EDIL3: variants seen among roughly 807,000 people sequenced by gnomAD.
EDIL3 encodes EGF like and discoidin domains 3, also known as EGF-like repeat and discoidin I-like domain-containing protein 3.
EDIL3 carries 37 observed loss-of-function variants against 67.4 expected under a neutral mutation model. That is an observed-to-expected ratio of 0.55 (90% CI 0.42 to 0.72). The LOEUF (loss-of-function observed/expected upper bound fraction) is 0.72. EDIL3 is among the 30% of genes least tolerant of loss of function. EDIL3 has a pLI of 0.00. For synonymous variants in EDIL3, 195 were observed against 196.3 expected, an observed-to-expected ratio of 0.99 and a Z score of 0.05; for missense variants, 527 against 586.3, an observed-to-expected ratio of 0.90 and a Z score of 1.04.
chr5:84,108,609 A>T (rs1356426769), intron 5 of EDIL3, among the ~76,000 whole-genome samples: 1 of 152,144 alleles, frequency 6.6e-6, no homozygotes, highest in East Asian at 1.9e-4. Flanking sequence ...TTGGACCCTT[A>T]TTTTGCTTTC....
At chr5:84,033,851 T>C (rs1032082903) in intron 9 of EDIL3, among the ~76,000 whole-genome samples, 3 of 152,114 alleles carry the variant, frequency 2.0e-5, no homozygotes, top group Admixed American at 2.0e-4. Context: ...TATATTAAGT[T>C]AGTGATCTGG....
intron 1 of EDIL3, among the ~76,000 whole-genome samples, chr5:84,311,949 G>A (rs909967624): frequency 1.3e-5 from 2 of 152,078 alleles, no homozygotes; most frequent in South Asian, 2.1e-4. Context: ...AAAGTCTCCC[G>A]TGTCTACCTC....
intron 9 of EDIL3, among the ~76,000 whole-genome samples, chr5:83,999,352 A>G (rs1004920010): frequency 2.6e-5 from 4 of 152,182 alleles, no homozygotes; most frequent in Admixed American, 2.6e-4. Context: ...AAACTTTCAG[A>G]CAGAAAATTC....
At chr5:84,033,191 C>T (rs1428925) in intron 9 of EDIL3, among the ~76,000 whole-genome samples, 17,340 of 152,206 alleles carry the variant, frequency 0.11, 1,495 homozygotes, top group African/African-American at 0.24. Context: ...TATGCTTTCT[C>T]TACTACTTCC....
intron 2 of EDIL3, among the ~76,000 whole-genome samples, chr5:84,252,143 T>G (rs531235324): frequency 6.6e-6 from 1 of 152,300 alleles, no homozygotes; most frequent in African/African-American, 2.4e-5. Flanking sequence ...GATAAAATGT[T>G]GAATGTTGGA....
intron 9 of EDIL3, among the ~76,000 whole-genome samples, chr5:83,998,900 A>C (rs1296241884): frequency 2.6e-5 from 4 of 152,180 alleles, no homozygotes; most frequent in Admixed American, 1.3e-4. Flanking sequence ...GAGTGCTTGC[A>C]TAATCTTTTC....
chr5:84,001,975 A>C (rs1250890191), intron 9 of EDIL3, among the ~76,000 whole-genome samples: 1 of 152,010 alleles, frequency 6.6e-6, no homozygotes, highest in African/African-American at 2.4e-5. Context: ...TAAAGAAAGA[A>C]AAAGAAAGAA....
chr5:84,143,465 T>C (rs1480803272), intron 4 of EDIL3, among the ~76,000 whole-genome samples: 2 of 152,094 alleles, frequency 1.3e-5, no homozygotes, highest in African/African-American at 2.4e-5. Context: ...CTAATAAAGA[T>C]CATATTCTCT....
chr5:84,168,344 C>T (rs1027045399), intron 4 of EDIL3, among the ~76,000 whole-genome samples: 15 of 152,050 alleles, frequency 9.9e-5, no homozygotes, highest in African/African-American at 3.4e-4. Context: ...CTAAAGACAA[C>T]CAATTTTATG....
chr5:84,084,710 G>T (rs190620119), intron 6 of EDIL3, among the ~76,000 whole-genome samples: 190 of 152,222 alleles, frequency 1.2e-3, no homozygotes, highest in African/African-American at 4.5e-3. Flanking sequence ...ATAAAGACAG[G>T]AGAGATCTTT....
At chr5:84,383,604 G>A (rs968706090) in intron 1 of EDIL3, among the ~76,000 whole-genome samples, 1 of 152,170 alleles carries the variant, frequency 6.6e-6, no homozygotes, top group East Asian at 1.9e-4. Context: ...ATTACCAAGA[G>A]TTAACACTGG....
At chr5:84,311,417 A>G (rs1746387585) in intron 1 of EDIL3, among the ~76,000 whole-genome samples, 1 of 147,578 alleles carries the variant, frequency 6.8e-6, no homozygotes, top group African/African-American at 2.5e-5. Context: ...CATATTTTGG[A>G]GGTAAAATTA....
At chr5:84,205,504 G>C (rs1282623805) in intron 3 of EDIL3, among the ~76,000 whole-genome samples, 1 of 152,186 alleles carries the variant, frequency 6.6e-6, no homozygotes, top group Non-Finnish European at 1.5e-5. Context: ...GTGTCCACTT[G>C]AAAAACTTGA....
Position 84,184,836 on chromosome 5 carries a change from T to C in EDIL3, c.227-4315A>G, listed in dbSNP as rs1367084750. On this transcript the variant is annotated intron_variant, in intron 3 of 10. Transcript: ENST00000296591. Reference sequence around the variant, plus strand: ...TTGGTACATTGGAGCTCATTTTATTTACACGCCAAAAGACATCATGACCTT... The same window carrying C: ...TTGGTACATTGGAGCTCATTTTATTCACACGCCAAAAGACATCATGACCTT... Among the ~76,000 whole-genome samples, 3 of 152,178 alleles carry C rather than the reference T, an allele frequency of 2.0e-5. No homozygotes were observed. In the East Asian group the frequency reaches 5.8e-4, roughly 29 times the overall value.
rs773035274 is a variant in EDIL3 at position 84,262,659 on chromosome 5, G to GTTTTTTTTTTTTTTTTTTT, written c.68-8466_68-8448dup. Among the ~76,000 whole-genome samples the GTTTTTTTTTTTTTTTTTTT allele has an allele frequency of 3.7e-3, 170 of 46,318 alleles. 49 individuals are homozygous for GTTTTTTTTTTTTTTTTTTT. Among genetic ancestry groups the GTTTTTTTTTTTTTTTTTTT allele is most frequent in the African/African-American group, 5.7e-3 (65 of 11,474 alleles). The allele number at this position is 46,318 out of a possible 152,430, so 30.4% of individuals were successfully genotyped here. On this transcript the variant is annotated intron_variant, in intron 1 of 10. Transcript: ENST00000296591. ...AAACTACAATTCCCAAGGTTGGTTG[G>GTTTTTTTTTTTTTTTTTTT]TTTTTTTTTTTTTTTTTTTTTTTTT... is the stretch of plus-strand genomic sequence containing the variant.
At chr5:84,075,890 G>GCGCACA (rs376573495) in intron 6 of EDIL3, among the ~76,000 whole-genome samples, 13 of 144,970 alleles carry the variant, frequency 9.0e-5, no homozygotes, top group Non-Finnish European at 2.0e-4. Flanking sequence ...AAGTGTGCAC[G>GCGCACA]CACACACACA....
intron 1 of EDIL3, among the ~76,000 whole-genome samples, chr5:84,356,824 C>CAG (rs1747493210): frequency 6.9e-6 from 1 of 144,456 alleles, no homozygotes; most frequent in Admixed American, 6.9e-5. Context: ...ATTGATGATT[C>CAG]AGAGTTTAAT....
intron 1 of EDIL3, among the ~76,000 whole-genome samples, chr5:84,334,596 T>G (rs1416575148): frequency 2.0e-5 from 3 of 152,194 alleles, no homozygotes; most frequent in Non-Finnish European, 4.4e-5. Flanking sequence ...AGATATTTAT[T>G]GAAAGTATTT....
At chr5:84,113,089 T>A (rs564715842) in intron 5 of EDIL3, among the ~76,000 whole-genome samples, 8 of 152,268 alleles carry the variant, frequency 5.3e-5, no homozygotes, top group Non-Finnish European at 2.9e-5. Flanking sequence ...CTCTTTCAAA[T>A]CGCTGCCACA....
Sources: gnomAD v4.1 joint callset for allele counts (sites outside exome capture counted in the v4.1 genomes callset) on GRCh38, gnomAD v4.1.1 for gene constraint, MANE v1.5 for transcripts, NCBI Gene and HGNC (gene_info 2026-07-23, HGNC 2026-07-21) for gene names.